Variants in LCN12 observed in about 807,000 individuals in gnomAD.
LCN12 encodes the protein epididymal-specific lipocalin-12.
Under a neutral mutation model 23.7 loss-of-function variants are expected in LCN12, and 15 were observed. The observed-to-expected ratio is 0.63, with a 90% confidence interval of 0.42 to 0.97. LCN12 has a LOEUF of 0.97. LCN12 is among the 50% of genes least tolerant of loss of function. LCN12 has a pLI of 0.00. For missense variants in LCN12, 219 were observed against 249.6 expected (o/e 0.88, Z 0.83); for synonymous variants, 116 against 111.5 (o/e 1.04, Z -0.25).
chr9:136,953,279 C>T (rs1359378531), intron 2 of LCN12, among the ~76,000 whole-genome samples: 2 of 140,680 alleles, frequency 1.4e-5, no homozygotes, highest in Admixed American at 7.0e-5. Flanking sequence ...CCAGCACTTC[C>T]GGGGCTGGGC....
chr9:136,955,503 A>C (rs1851302537), downstream of LCN12: 4 of 1,278,276 alleles, frequency 3.1e-6, no homozygotes, highest in Non-Finnish European at 4.5e-6. Flanking sequence ...CCAGAGCCCC[A>C]GAGTGTGACC....
intron 5 of LCN12, chr9:136,955,059 C>T: frequency 5.7e-6 from 8 of 1,401,476 alleles, no homozygotes; most frequent in Non-Finnish European, 7.4e-6. Context: ...CACACACCTG[C>T]ACACACCTGC....
chr9:136,952,457 C>A lies in LCN12; in HGVS notation c.114+16C>A, dbSNP rs368161505. On this transcript the variant is annotated intron_variant, in intron 1 of 5. Transcript: ENST00000371633. Reference sequence around the variant, plus strand: ...AGGAAACCAGGTACAGGGGTTTTGACGGAAGGAGAAGCAGCCGGCTGGGTC... The same window carrying A: ...AGGAAACCAGGTACAGGGGTTTTGAAGGAAGGAGAAGCAGCCGGCTGGGTC... 6.4e-7 allele frequency: 1 copy of A among 1,566,052 alleles called. No homozygotes were observed. The highest frequency in any genetic ancestry group is 8.8e-7 in the Non-Finnish European group (1 of 1,138,220).
chr9:136,952,604 G>A (rs768904735), intron 1 of LCN12, 163 bp downstream of exon 1: 7 of 637,190 alleles, frequency 1.1e-5, no homozygotes, highest in East Asian at 2.7e-5. Flanking sequence ...AGGGCCCAGC[G>A]CAGACCTTCC....
In LCN12 at chr9:136,952,379, C is replaced by G; in HGVS notation, c.52C>G (p.Gln18Glu). The G allele has an allele frequency of 6.2e-7, 1 of 1,612,220 alleles. No individual in the cohort carries two copies. The highest frequency in any genetic ancestry group is 8.5e-7 in the Non-Finnish European group (1 of 1,179,536). ...GTGGCTCTCCTTGCTGAAAGTCCTG[C>G]AGGCCCAGACCCCAACCCCCCTGCC... ...WLWLSLLKVL[Q>E]AQTPTPLPLP... The change falls in exon 1 of 6, where the codon CAG (glutamine) becomes GAG (glutamate). Residue 18 changes from glutamine (Q) to glutamate (E), a missense_variant. Coordinates refer to ENST00000371633, the MANE Select transcript of LCN12 (RefSeq NM_178536.4).
upstream of LCN12, among the ~76,000 whole-genome samples, chr9:136,951,044 C>T (rs531596626): frequency 7.6e-6 from 1 of 130,864 alleles, no homozygotes; most frequent in African/African-American, 2.7e-5. Flanking sequence ...CAGAGGCTCA[C>T]AGGCCAGGCA....
rs2131374848 is a variant in LCN12 at position 136,952,487 on chromosome 9, T to G, written c.114+46T>G. 6 of 1,361,206 alleles carry G rather than the reference T, an allele frequency of 4.4e-6. No individual in the cohort carries two copies. The East Asian group carries it at 1.2e-4, about 27-fold the overall frequency. 84.3% of individuals were successfully genotyped at this position (1,361,206 alleles called of 1,614,324 possible). On this transcript the variant is annotated intron_variant, in intron 1 of 5. Coordinates refer to ENST00000371633, the MANE Select transcript of LCN12 (RefSeq NM_178536.4). ...GGAGAAGCAGCCGGCTGGGTCTGAGTGCAGGGAGAGGCTGGTGGCTGAGCA... is the reference window on the plus strand; with the variant it reads ...GGAGAAGCAGCCGGCTGGGTCTGAGGGCAGGGAGAGGCTGGTGGCTGAGCA...
At position 136,953,861 on chromosome 9, in the gene LCN12, C is replaced by T. The variant is rs759973783; in HGVS notation, c.345C>T (p.Asp115=). The T allele has an allele frequency of 3.7e-6, 6 of 1,602,390 alleles. No individual in the cohort carries two copies. The highest frequency in any genetic ancestry group is 4.3e-6 in the Non-Finnish European group (5 of 1,174,984). Reference sequence around the variant, plus strand: ...GTGCCGCCTCAGAGCCCGGGGCGGACAGAGAGGAGACCCGGGTGGTGGACA... The same window carrying T: ...GTGCCGCCTCAGAGCCCGGGGCGGATAGAGAGGAGACCCGGGTGGTGGACA... The part of the protein sequence containing the change: ...TVDHGVEPGA[D]REETRVVDSD... Residue 115 remains aspartate (D), a synonymous_variant, in exon 4 of 6, where the codon GAC becomes GAT. Coordinates refer to ENST00000371633, the MANE Select transcript of LCN12 (RefSeq NM_178536.4).
upstream of LCN12, among the ~76,000 whole-genome samples, chr9:136,949,378 C>T (rs1051151322): frequency 6.6e-6 from 1 of 152,244 alleles, no homozygotes; most frequent in African/African-American, 2.4e-5. Context: ...GCCCCGGGAG[C>T]CCCTGGTCCC....
chr9:136,953,791 A>G lies in LCN12; in HGVS notation c.331+12A>G. The G allele has an allele frequency of 6.2e-7, 1 of 1,604,974 alleles. No individual in the cohort carries two copies. The highest frequency in any genetic ancestry group is 1.1e-5 in the South Asian group (1 of 89,256). On this transcript the variant is annotated intron_variant, in intron 3 of 5. Coordinates refer to ENST00000371633, the MANE Select transcript of LCN12 (RefSeq NM_178536.4). ...GGACCACGGTGTGGGTAAGCCAGTC[A>G]CAGGAGGGAGGGACGGGGTGCTGGC...
intron 2 of LCN12, 148 bp downstream of exon 2, chr9:136,953,176 G>A: frequency 8.8e-7 from 1 of 1,139,530 alleles, no homozygotes; most frequent in Non-Finnish European, 1.2e-6. Flanking sequence ...CAGCTGGGGA[G>A]TATACAAAAA....
downstream of LCN12, among the ~76,000 whole-genome samples, chr9:136,955,823 G>T (rs1326561097): frequency 6.6e-6 from 1 of 152,206 alleles, no homozygotes; most frequent in Non-Finnish European, 1.5e-5. Flanking sequence ...CATACCAGAT[G>T]CAGCCGGGCT....
At chr9:136,954,913 C>T (rs1353758517) in intron 5 of LCN12, 9 of 1,228,688 alleles carry the variant, frequency 7.3e-6, no homozygotes, top group Non-Finnish European at 9.3e-6. Flanking sequence ...TGCATAACCA[C>T]ATGCACACAC....
downstream of LCN12, among the ~76,000 whole-genome samples, chr9:136,956,290 G>A (rs1588478206): frequency 6.6e-6 from 1 of 152,158 alleles, no homozygotes; most frequent in Non-Finnish European, 1.5e-5. Flanking sequence ...CCAACCTGGT[G>A]CCTAACCTTC....
rs752861062 is a variant in LCN12, at chr9:136,952,964, G to A, written c.187G>A (p.Ala63Thr). The A allele has an allele frequency of 1.5e-5, 25 of 1,613,562 alleles. 1 individual carries two copies. The highest frequency in any genetic ancestry group is 3.3e-4 in the Middle Eastern group (2 of 6,084). ...FRPEHRALLN[A>T]FTATFELSDD... Reference sequence around the variant, plus strand: ...GCCGGAGCACAGGGCGCTGCTGAACGCTTTCACCGCAACTTTTGAGCTAAG... The same window carrying A: ...GCCGGAGCACAGGGCGCTGCTGAACACTTTCACCGCAACTTTTGAGCTAAG... Residue 63 changes from alanine (A) to threonine (T), a missense_variant, in exon 2 of 6, where the codon GCT becomes ACT. By Grantham distance (58) the Ala-to-Thr change is moderately conservative (BLOSUM62 0). Coordinates refer to ENST00000371633, the MANE Select transcript of LCN12 (RefSeq NM_178536.4).
intron 5 of LCN12, 194 bp downstream of exon 5, chr9:136,954,449 C>G (rs758701349): frequency 9.2e-5 from 67 of 730,358 alleles, no homozygotes; most frequent in Middle Eastern, 2.5e-4. Flanking sequence ...CCCCGGGTCC[C>G]CTGTCCTGGG....
At chr9:136,950,178 G>C (rs768301473), upstream of LCN12, among the ~76,000 whole-genome samples, 22 of 152,208 alleles carry the variant, frequency 1.4e-4, no homozygotes, top group Non-Finnish European at 2.2e-4. Flanking sequence ...TAGACGGGAG[G>C]AGCAGCACCT....
Position 136,952,313 on chromosome 9 carries a change from C to G in LCN12, c.-15C>G, listed in dbSNP as rs200318881. On this transcript the variant is annotated 5_prime_UTR_variant, in exon 1 of 6. Transcript: ENST00000371633. ...CTTCCTTCTCTCTGTCCCTGTGGGC[C>G]CAGCAGCTGCCAGGATGAGGCTGCT... 1.9e-6 allele frequency: 3 copies of G among 1,583,904 alleles called. No homozygotes were observed. The highest frequency in any genetic ancestry group is 2.6e-6 in the Non-Finnish European group (3 of 1,157,628).
At chr9:136,953,131 G>A (rs1851206884) in intron 2 of LCN12, 103 bp downstream of exon 2, 1 of 1,479,756 alleles carries the variant, frequency 6.8e-7, no homozygotes, top group South Asian at 1.2e-5. Flanking sequence ...CCCAGCACAG[G>A]CAGCTTCATG....
Sources: allele counts gnomAD v4.1 joint callset (sites outside exome capture counted in the v4.1 genomes callset), GRCh38; gene constraint gnomAD v4.1.1; transcripts MANE v1.5; gene names NCBI Gene and HGNC (gene_info 2026-07-23, HGNC 2026-07-21).